RBM19: variants seen among roughly 807,000 people sequenced by gnomAD.
RBM19 encodes the protein probable RNA-binding protein 19.
Under a neutral mutation model 116.8 loss-of-function variants are expected in RBM19, and 94 were observed. The observed-to-expected ratio is 0.80, with a 90% CI of 0.68 to 0.95. The LOEUF (loss-of-function observed/expected upper bound fraction) is 0.95, where lower values mean the gene tolerates loss of function less well. RBM19 is among the 40% of genes least tolerant of loss of function. The pLI is 0.00. For missense variants in RBM19, 1,161 were observed against 1,220.7 expected (o/e 0.95, Z 0.73); for synonymous variants, 475 against 494.1 (o/e 0.96, Z 0.51).
intron 2 of RBM19, among the ~76,000 whole-genome samples, chr12:113,960,978 C>T (rs530444218): frequency 2.0e-5 from 3 of 152,310 alleles, no homozygotes; most frequent in African/African-American, 4.8e-5. Context: ...TTAAGGCTGA[C>T]GCTGGTCAAC....
At chr12:113,831,595 C>T (rs919689507) in intron 23 of RBM19, among the ~76,000 whole-genome samples, 6 of 152,220 alleles carry the variant, frequency 3.9e-5, no homozygotes, top group Non-Finnish European at 7.3e-5. Context: ...AATGGCCCGG[C>T]ACAGCTGGCT....
At chr12:113,914,415 G>T (rs138516881) in intron 21 of RBM19, among the ~76,000 whole-genome samples, 14 of 152,210 alleles carry the variant, frequency 9.2e-5, no homozygotes, top group Non-Finnish European at 1.6e-4. Flanking sequence ...GAGTCATTTA[G>T]GCCACTGGTC....
At chr12:113,842,931 G>C (rs940758152) in intron 23 of RBM19, among the ~76,000 whole-genome samples, 20 of 152,246 alleles carry the variant, frequency 1.3e-4, no homozygotes, top group African/African-American at 4.6e-4. Flanking sequence ...TGGGAGGAAG[G>C]AGGAGTCTGG....
intron 15 of RBM19, among the ~76,000 whole-genome samples, chr12:113,939,607 A>G (rs2135904667): frequency 1.3e-5 from 2 of 152,130 alleles, no homozygotes; most frequent in Non-Finnish European, 2.9e-5. Context: ...AAAATTAGCC[A>G]GGCGGGGTGG....
intron 21 of RBM19, among the ~76,000 whole-genome samples, chr12:113,897,262 G>A (rs1339373344): frequency 6.6e-6 from 1 of 152,186 alleles, no homozygotes; most frequent in Non-Finnish European, 1.5e-5. Context: ...TTTGCTTCCT[G>A]GGTTCAAGCG....
chr12:113,854,684 A>G (rs543498914), intron 22 of RBM19, among the ~76,000 whole-genome samples: 48 of 152,334 alleles, frequency 3.2e-4, no homozygotes, highest in African/African-American at 8.4e-4. Context: ...TCTGGTCACC[A>G]GGGCCCGTGA....
chr12:113,909,255 T>TG (rs1270979142), intron 21 of RBM19, among the ~76,000 whole-genome samples: 1 of 152,194 alleles, frequency 6.6e-6, no homozygotes, highest in African/African-American at 2.4e-5. Context: ...CCTGAGTAAC[T>TG]GGGACTATAG....
chr12:113,886,047 A>AT, intron 21 of RBM19, among the ~76,000 whole-genome samples: 1 of 150,544 alleles, frequency 6.6e-6, no homozygotes. Flanking sequence ...TTTTTTTTGT[A>AT]TTTTTAATAG....
At chr12:113,957,205 T>G (rs1872019755) in intron 6 of RBM19, among the ~76,000 whole-genome samples, 1 of 152,206 alleles carries the variant, frequency 6.6e-6, no homozygotes, top group Non-Finnish European at 1.5e-5. Context: ...TAACTTAGTG[T>G]TGACAATAAT....
intron 21 of RBM19, among the ~76,000 whole-genome samples, chr12:113,865,334 C>T (rs1464124331): frequency 2.6e-5 from 4 of 152,200 alleles, no homozygotes; most frequent in African/African-American, 9.7e-5. Context: ...ATGCCACCTC[C>T]TCAAAGAGGC....
chr12:113,865,625 C>T (rs984765847), intron 21 of RBM19, among the ~76,000 whole-genome samples: 5 of 152,184 alleles, frequency 3.3e-5, no homozygotes, highest in African/African-American at 1.2e-4. Context: ...ACTTCTCATG[C>T]ATTATCTCAT....
At chr12:113,932,324 C>T (rs1253896357) in intron 16 of RBM19, among the ~76,000 whole-genome samples, 2 of 152,236 alleles carry the variant, frequency 1.3e-5, no homozygotes, top group Non-Finnish European at 2.9e-5. Context: ...GCAGCGAGCA[C>T]TGGGAGAGAA....
chr12:113,936,866 A>C (rs1029087534), intron 16 of RBM19, 141 bp downstream of exon 16: 5 of 1,117,820 alleles, frequency 4.5e-6, no homozygotes, highest in Admixed American at 4.9e-5. Flanking sequence ...ATAAAATCTG[A>C]GAGTCTGAGC....
At chr12:113,921,569 C>T (rs954902594) in intron 18 of RBM19, among the ~76,000 whole-genome samples, 4 of 152,188 alleles carry the variant, frequency 2.6e-5, no homozygotes, top group African/African-American at 9.7e-5. Flanking sequence ...ACCTATGCTC[C>T]TGCCTTTCCA....
Position 113,825,773 on chromosome 12 carries a change from T to C in RBM19, c.2786-2452A>G, listed in dbSNP as rs570595485. 6.6e-6 allele frequency among the ~76,000 whole-genome samples: 1 copy of C among 152,306 alleles called. No individual in the cohort carries two copies. The highest frequency in any genetic ancestry group is 2.4e-5 in the African/African-American group (1 of 41,576). On this transcript the variant is annotated intron_variant, in intron 23 of 23. Coordinates refer to ENST00000261741, the MANE Select transcript of RBM19 (RefSeq NM_016196.4). This position sits in a 1 kb window ranked among gnomAD's most constrained non-coding sequence, Gnocchi z 5.7. ...GATAGAGCTGGACTTGGGGTGCTTC[T>C]TCCCCATGCTCCTGCACCCCTGGGC...
At chr12:113,866,565 G>C (rs1878823098) in intron 21 of RBM19, among the ~76,000 whole-genome samples, 1 of 152,210 alleles carries the variant, frequency 6.6e-6, no homozygotes, top group African/African-American at 2.4e-5. Context: ...TCACCAACTG[G>C]GTGAACCTGG....
intron 21 of RBM19, among the ~76,000 whole-genome samples, chr12:113,909,071 G>C (rs1882261404): frequency 6.6e-6 from 1 of 152,196 alleles, no homozygotes; most frequent in African/African-American, 2.4e-5. Flanking sequence ...CCCTGGACAG[G>C]GGTCAGGAGT....
Position 113,957,861 on chromosome 12 carries a change from T to C in RBM19, c.761A>G (p.Gln254Arg), listed in dbSNP as rs775087300. 1.2e-6 allele frequency: 2 copies of C among 1,614,140 alleles called. No individual in the cohort carries two copies. The highest frequency in any genetic ancestry group is 1.7e-6 in the Non-Finnish European group (2 of 1,180,000). Reference protein sequence around the residue: ...EEDSSATPVLQERDSKGAGQE... With the variant: ...EEDSSATPVLRERDSKGAGQE... ...GCCTGCACCCTTGCTGTCTCTTTCC[T>C]GCAGGACTGGGGTGGCGGAGGAATC... The change falls in exon 6 of 24, where the codon CAG becomes CGG. Residue 254 changes from glutamine to arginine, a missense_variant. Transcript: ENST00000261741.
chr12:113,876,299 G>C (rs1006677005), intron 21 of RBM19, among the ~76,000 whole-genome samples: 3 of 152,178 alleles, frequency 2.0e-5, no homozygotes, highest in African/African-American at 7.2e-5. Context: ...TAGCTGGGAG[G>C]TGGGGGTCAT....
Sources: allele counts gnomAD v4.1 joint callset (sites outside exome capture counted in the v4.1 genomes callset), GRCh38; gene constraint gnomAD v4.1.1; non-coding constraint Gnocchi (gnomAD v3.1); transcripts MANE v1.5; gene names NCBI Gene and HGNC (gene_info 2026-07-23, HGNC 2026-07-21).